SUPT3H: variants seen among roughly 807,000 people sequenced by gnomAD.
SUPT3H encodes SPT3 homolog, SAGA and STAGA complex component.
In SUPT3H, 44 loss-of-function variants were observed where a neutral mutation model predicts 44.3. The ratio of observed to expected loss-of-function variants is 0.99; its 90% CI spans 0.78 to 1.28. SUPT3H has a LOEUF of 1.28. Ranked by LOEUF, SUPT3H falls within the 50% of genes most tolerant of loss-of-function variation. The pLI is 0.00. For synonymous variants in SUPT3H, 124 were observed against 125.6 expected, an observed-to-expected ratio of 0.99 and a Z score of 0.09; for missense variants, 380 against 387.1, an observed-to-expected ratio of 0.98 and a Z score of 0.15.
At chr6:45,157,329 T>C (rs1438873650) in intron 2 of SUPT3H, among the ~76,000 whole-genome samples, 3 of 151,904 alleles carry the variant, frequency 2.0e-5, no homozygotes, top group Non-Finnish European at 2.9e-5. Context: ...TTATTTAACA[T>C]TTCATTTATA....
rs542690850 is a variant in SUPT3H, at chr6:45,346,502, TCTTA to T, written c.101+18695_101+18698del. 6.4e-4 allele frequency among the ~76,000 whole-genome samples: 97 copies of T among 151,934 alleles called. 2 individuals are homozygous for T. The highest frequency in any genetic ancestry group is 1.9e-3 in the South Asian group (9 of 4,808). ...TACACAAGAATTCCCTCTCTCCCAC[TCTTA>T]CTTTCTTTTCACATCATCTAGCCAA... On this transcript the variant is annotated intron_variant, in intron 2 of 10. Coordinates refer to ENST00000371459, the MANE Select transcript of SUPT3H (RefSeq NM_003599.4).
chr6:44,822,230 A>G (rs1767378167), downstream of SUPT3H, among the ~76,000 whole-genome samples: 1 of 152,238 alleles, frequency 6.6e-6, no homozygotes, highest in African/African-American at 2.4e-5. Context: ...TAGGTGCCAA[A>G]TAAGATTTCT....
At chr6:45,023,757 T>C (rs769334055) in intron 3 of SUPT3H, among the ~76,000 whole-genome samples, 8 of 152,062 alleles carry the variant, frequency 5.3e-5, no homozygotes, top group Non-Finnish European at 8.8e-5. Context: ...TGGGGCCTAC[T>C]TGAAGGTGGA....
rs1797669556 is a variant in SUPT3H at position 45,095,464 on chromosome 6, AGATCG to A, written c.186+10453_186+10457del. ...GGGTGAATTCAGTGCATTTTAATCC[AGATCG>A]GAGATTAAGCCATAACTCTTCACAC... On this transcript the variant is annotated intron_variant, in intron 3 of 10. Transcript: ENST00000371459. This position sits in a 1 kb window ranked among gnomAD's most constrained non-coding sequence, Gnocchi z 4.1. 3.6e-5 allele frequency among the ~76,000 whole-genome samples: 2 copies of A among 55,420 alleles called. No homozygotes were observed. Among genetic ancestry groups the A allele is most frequent in the East Asian group, 4.5e-3 (2 of 446 alleles). The allele number at this position is 55,420 out of a possible 152,430, so 36.4% of individuals were successfully genotyped here.
At chr6:45,364,059 G>A (rs1265690375) in intron 2 of SUPT3H, among the ~76,000 whole-genome samples, 1 of 151,478 alleles carries the variant, frequency 6.6e-6, no homozygotes, top group Admixed American at 6.6e-5. Context: ...AGGTTGCAGT[G>A]AGCCAAGATT....
intron 10 of SUPT3H, among the ~76,000 whole-genome samples, chr6:44,885,935 C>T (rs1762198353): frequency 2.0e-5 from 3 of 152,074 alleles, no homozygotes; most frequent in Admixed American, 2.0e-4. Context: ...GCTGATGGAG[C>T]TGAAAGCCAA....
Position 45,200,255 on chromosome 6 carries a change from TTA to T in SUPT3H, c.102-94251_102-94250del, listed in dbSNP as rs1762267312. Among the ~76,000 whole-genome samples the T allele has an allele frequency of 2.0e-5, 3 of 151,536 alleles. No individual in the cohort carries two copies. In the East Asian group the frequency reaches 5.8e-4, roughly 29 times the overall value. On this transcript the variant is annotated intron_variant, in intron 2 of 10. Transcript: ENST00000371459. ...AATGTAAACATAATGAGTGCTGTAT[TTA>T]TATGTTCTCTAATTGTATTATCATA...
intron 6 of SUPT3H, among the ~76,000 whole-genome samples, chr6:44,965,672 C>T (rs1037309481): frequency 1.3e-5 from 2 of 151,798 alleles, no homozygotes; most frequent in Non-Finnish European, 2.9e-5. Flanking sequence ...GTTTATTCCT[C>T]TCTTCCCCCA....
At chr6:45,103,341 A>C (rs1283527832) in intron 3 of SUPT3H, among the ~76,000 whole-genome samples, 1 of 152,218 alleles carries the variant, frequency 6.6e-6, no homozygotes. Context: ...AGGATTTCTC[A>C]TTATAAGTAA....
intron 2 of SUPT3H, among the ~76,000 whole-genome samples, chr6:45,345,210 G>A (rs1790599839): frequency 6.6e-6 from 1 of 152,018 alleles, no homozygotes; most frequent in Non-Finnish European, 1.5e-5. Context: ...TTACAATTTA[G>A]TATTATAAAT....
intron 3 of SUPT3H, among the ~76,000 whole-genome samples, chr6:45,052,806 G>GTT (rs1322640900): frequency 1.3e-5 from 2 of 152,176 alleles, no homozygotes; most frequent in Non-Finnish European, 2.9e-5. Context: ...GTAGATCATA[G>GTT]TTTAATGGGC....
intron 2 of SUPT3H, among the ~76,000 whole-genome samples, chr6:45,351,846 TGA>T: frequency 6.6e-6 from 1 of 152,174 alleles, no homozygotes; most frequent in East Asian, 1.9e-4. Context: ...GCCCAGCTGC[TGA>T]GCACTTTGAA....
intron 6 of SUPT3H, among the ~76,000 whole-genome samples, chr6:44,982,136 G>A (rs1210629687): frequency 6.6e-6 from 1 of 152,094 alleles, no homozygotes; most frequent in Non-Finnish European, 1.5e-5. Context: ...AAGACAACCT[G>A]GCCAAATCCA....
chr6:44,937,504 A>AC (rs144127441), intron 9 of SUPT3H, among the ~76,000 whole-genome samples: 176 of 151,948 alleles, frequency 1.2e-3, no homozygotes, highest in African/African-American at 4.0e-3. Context: ...AAAAAAAAAA[A>AC]CCGTACTGTT....
intron 3 of SUPT3H, among the ~76,000 whole-genome samples, chr6:45,033,322 T>A (rs1317529383): frequency 6.6e-6 from 1 of 151,794 alleles, no homozygotes; most frequent in Admixed American, 6.6e-5. Flanking sequence ...CATGGAGATT[T>A]AAAAAATCTA....
At chr6:45,334,515 G>C (rs1788160911) in intron 2 of SUPT3H, among the ~76,000 whole-genome samples, 1 of 144,650 alleles carries the variant, frequency 6.9e-6, no homozygotes, top group African/African-American at 2.5e-5. Context: ...TCATCAATAA[G>C]GTTTGAATAC....
intron 6 of SUPT3H, among the ~76,000 whole-genome samples, chr6:44,964,137 C>T (rs1015750984): frequency 6.6e-6 from 1 of 152,206 alleles, no homozygotes; most frequent in Admixed American, 6.5e-5. Flanking sequence ...GAACTACTCA[C>T]GTTTGAATTT....
rs528660784 is a variant in SUPT3H, at chr6:45,176,734, A to G, written c.102-70728T>C. On this transcript the variant is annotated intron_variant, in intron 2 of 10. Transcript: ENST00000371459. ...AGCACCCAGCTGGAGATCTGAGAAC[A>G]GGCAGACTGCCTCCTCAAGTGGGTC... 5.3e-4 allele frequency among the ~76,000 whole-genome samples: 80 copies of G among 152,312 alleles called. 1 individual carries two copies. The South Asian group carries it at 0.015, about 29-fold the overall frequency.
intron 2 of SUPT3H, among the ~76,000 whole-genome samples, chr6:45,356,930 T>C (rs192170847): frequency 2.0e-5 from 3 of 152,324 alleles, no homozygotes; most frequent in African/African-American, 4.8e-5. Context: ...CAAATCAATA[T>C]ATAATATAGG....
Sources: allele counts gnomAD v4.1 joint callset (sites outside exome capture counted in the v4.1 genomes callset), GRCh38; gene constraint gnomAD v4.1.1; non-coding constraint Gnocchi (gnomAD v3.1); transcripts MANE v1.5; gene names NCBI Gene and HGNC (gene_info 2026-07-23, HGNC 2026-07-21).